TNFRSF21: variants seen among roughly 807,000 people sequenced by gnomAD.
The protein encoded by TNFRSF21 is tumor necrosis factor receptor superfamily member 21.
In TNFRSF21, 19 loss-of-function variants were observed where a neutral mutation model predicts 45.6. The observed-to-expected ratio is 0.42, with a 90% CI of 0.29 to 0.61. The LOEUF (loss-of-function observed/expected upper bound fraction) is 0.61, where lower values mean the gene tolerates loss of function less well. TNFRSF21 is among the 20% of genes least tolerant of loss of function. TNFRSF21 has a pLI of 0.23. For synonymous variants in TNFRSF21, 314 were observed against 335.5 expected (o/e 0.94, Z 0.70); for missense variants, 737 against 851.5 (o/e 0.87, Z 1.67).
chr6:47,282,762 T>A (rs549670984), intron 3 of TNFRSF21, among the ~76,000 whole-genome samples: 2 of 152,356 alleles, frequency 1.3e-5, no homozygotes, highest in South Asian at 4.1e-4. Flanking sequence ...TTTTTTTCCT[T>A]TAACCTAGTA....
At chr6:47,256,786 C>T (rs1227058246) in intron 3 of TNFRSF21, among the ~76,000 whole-genome samples, 1 of 152,170 alleles carries the variant, frequency 6.6e-6, no homozygotes, top group East Asian at 1.9e-4. Context: ...CTCTTCCAAA[C>T]ACCAAAAGTC....
chr6:47,259,742 C>T (rs947133145), intron 3 of TNFRSF21, among the ~76,000 whole-genome samples: 3 of 152,048 alleles, frequency 2.0e-5, no homozygotes, highest in Non-Finnish European at 4.4e-5. Context: ...CTGAGGAGGT[C>T]ATCAAAGGAG....
chr6:47,309,465 C>T lies in TNFRSF21; in HGVS notation c.47G>A (p.Arg16His), dbSNP rs1165835541. ...SSSTALASCS[R>H]IARRATATMI... is the part of the protein sequence containing the mutation. ...CGTGGCTGTGGCTCGGCGGGCGATG[C>T]GGCTGCAGGAGGCGAGGGCGGTGCT... The change falls in exon 1 of 6, where the codon CGC becomes CAC. Residue 16 changes from arginine to histidine, a missense_variant. Coordinates refer to ENST00000296861, the MANE Select transcript of TNFRSF21 (RefSeq NM_014452.5). 4 of 1,529,744 alleles carry T rather than the reference C, an allele frequency of 2.6e-6. No homozygotes were observed. The highest frequency in any genetic ancestry group is 2.7e-5 in the East Asian group (1 of 37,642). 94.8% of individuals were successfully genotyped at this position (1,529,744 alleles called of 1,614,324 possible).
At chr6:47,284,607 T>A (rs1437536072) in intron 2 of TNFRSF21, among the ~76,000 whole-genome samples, 175 bp from the exon 3 acceptor site, 1 of 152,190 alleles carries the variant, frequency 6.6e-6, no homozygotes, top group Non-Finnish European at 1.5e-5. Flanking sequence ...GGCACCTTCA[T>A]GTGGAAGGCA....
chr6:47,307,564 G>A (rs1762957034), intron 1 of TNFRSF21, among the ~76,000 whole-genome samples: 1 of 151,992 alleles, frequency 6.6e-6, no homozygotes, highest in Non-Finnish European at 1.5e-5. Context: ...TGTAGAGATG[G>A]GGTCTCACTA....
chr6:47,238,480 G>C (rs914439635), intron 4 of TNFRSF21, among the ~76,000 whole-genome samples: 4 of 152,218 alleles, frequency 2.6e-5, no homozygotes, highest in Non-Finnish European at 4.4e-5. Flanking sequence ...AGACCAAAAT[G>C]GTAGGGGGCT....
chr6:47,271,025 C>G (rs1740078601), intron 3 of TNFRSF21, among the ~76,000 whole-genome samples: 1 of 152,092 alleles, frequency 6.6e-6, no homozygotes, highest in South Asian at 2.1e-4. Context: ...TGTGAAAAGA[C>G]CAAATCTACA....
intron 1 of TNFRSF21, among the ~76,000 whole-genome samples, chr6:47,296,176 A>C (rs1367247431): frequency 3.9e-5 from 6 of 152,214 alleles, no homozygotes; most frequent in Non-Finnish European, 8.8e-5. Flanking sequence ...AGGAGGAAAG[A>C]TGCAGAAGGA....
chr6:47,238,231 AT>A (rs1187856245), intron 4 of TNFRSF21, among the ~76,000 whole-genome samples: 4 of 152,230 alleles, frequency 2.6e-5, no homozygotes, highest in Non-Finnish European at 5.9e-5. Flanking sequence ...AAGATTATCA[AT>A]GTGGCTGAGC....
intron 1 of TNFRSF21, among the ~76,000 whole-genome samples, chr6:47,305,825 G>T (rs562374288): frequency 6.6e-6 from 1 of 152,214 alleles, no homozygotes; most frequent in South Asian, 2.1e-4. Flanking sequence ...CTCTTCTGAG[G>T]GCCTCACTGC....
At chr6:47,239,693 A>T (rs544481234) in intron 4 of TNFRSF21, among the ~76,000 whole-genome samples, 11 of 152,264 alleles carry the variant, frequency 7.2e-5, no homozygotes, top group African/African-American at 2.6e-4. Flanking sequence ...AGAAGACATA[A>T]CACTAACTAG....
intron 4 of TNFRSF21, among the ~76,000 whole-genome samples, chr6:47,241,604 T>TTTC (rs1341611975): frequency 6.6e-6 from 1 of 152,210 alleles, no homozygotes; most frequent in Non-Finnish European, 1.5e-5. Context: ...GAATATGGAC[T>TTTC]GGAAACGTAT....
chr6:47,241,447 A>C (rs1203253331), intron 4 of TNFRSF21, among the ~76,000 whole-genome samples: 4 of 151,840 alleles, frequency 2.6e-5, no homozygotes, highest in African/African-American at 9.7e-5. Flanking sequence ...ATCCAGAGTA[A>C]GGGGTCTTGG....
At chr6:47,289,907 T>C (rs1363380370) in intron 1 of TNFRSF21, among the ~76,000 whole-genome samples, 1 of 152,064 alleles carries the variant, frequency 6.6e-6, no homozygotes, top group Non-Finnish European at 1.5e-5. Context: ...GGTGGGAGAA[T>C]TGCTTGAGCC....
chr6:47,249,447 T>C (rs1447800948), intron 4 of TNFRSF21, among the ~76,000 whole-genome samples: 1 of 152,216 alleles, frequency 6.6e-6, no homozygotes. Context: ...GCAATTTATT[T>C]ATTTATAAAT....
At chr6:47,248,935 G>A (rs1245471563) in intron 4 of TNFRSF21, among the ~76,000 whole-genome samples, 1 of 152,198 alleles carries the variant, frequency 6.6e-6, no homozygotes, top group Non-Finnish European at 1.5e-5. Flanking sequence ...CATTCTCAGA[G>A]TAACCCATAG....
rs984232716 is a variant in TNFRSF21, at chr6:47,294,184, G to A, written c.97-7589C>T. 3.9e-5 allele frequency among the ~76,000 whole-genome samples: 6 copies of A among 152,064 alleles called. No individual in the cohort carries two copies. The East Asian group carries it at 5.8e-4, about 15-fold the overall frequency. On this transcript the variant is annotated intron_variant, in intron 1 of 5. Coordinates refer to ENST00000296861, the MANE Select transcript of TNFRSF21 (RefSeq NM_014452.5). ...TTTTGAGATGGAGTCTTGCTCTGTC[G>A]CCAGGCTGGGGTGCAGTGGTATGAT...
At chr6:47,292,369 G>A (rs1372413981) in intron 1 of TNFRSF21, among the ~76,000 whole-genome samples, 2 of 151,392 alleles carry the variant, frequency 1.3e-5, no homozygotes, top group African/African-American at 4.9e-5. Flanking sequence ...AAATTACCTG[G>A]GAAGCTTTAA....
chr6:47,299,618 C>G (rs1424308947), intron 1 of TNFRSF21, among the ~76,000 whole-genome samples: 1 of 152,142 alleles, frequency 6.6e-6, no homozygotes, highest in South Asian at 2.1e-4. Flanking sequence ...ATAACTCCTT[C>G]TCAATAGTTA....
Sources: gnomAD v4.1 joint callset for allele counts (sites outside exome capture counted in the v4.1 genomes callset) on GRCh38, gnomAD v4.1.1 for gene constraint, MANE v1.5 for transcripts, NCBI Gene and HGNC (gene_info 2026-07-23, HGNC 2026-07-21) for gene names.